PDGFD: variants seen among roughly 807,000 people sequenced by gnomAD.
The protein encoded by PDGFD is platelet-derived growth factor D.
PDGFD carries 30 observed loss-of-function variants against 44.7 expected under a neutral mutation model. The ratio of observed to expected loss-of-function variants is 0.67; its 90% CI spans 0.50 to 0.91. The LOEUF is 0.91. Ranked by LOEUF, PDGFD falls within the 40% of genes least tolerant of loss-of-function variation. The pLI, the probability that PDGFD is intolerant of heterozygous loss-of-function variation, is 0.00. For missense variants in PDGFD, 445 were observed against 457.8 expected (o/e 0.97, Z 0.25); for synonymous variants, 173 against 168.4 (o/e 1.03, Z -0.21).
chr11:103,917,977 C>T (rs994426648), intron 6 of PDGFD, among the ~76,000 whole-genome samples: 3 of 152,142 alleles, frequency 2.0e-5, no homozygotes, highest in East Asian at 1.9e-4. Flanking sequence ...GTTCCATAGA[C>T]GGTCCAGTGA....
At chr11:104,070,853 C>G (rs961453665) in intron 1 of PDGFD, among the ~76,000 whole-genome samples, 1 of 152,048 alleles carries the variant, frequency 6.6e-6, no homozygotes, top group Non-Finnish European at 1.5e-5. Context: ...GAAATGAATA[C>G]CTTATGCATA....
At chr11:103,990,755 T>C (rs750388619) in intron 3 of PDGFD, among the ~76,000 whole-genome samples, 2 of 152,128 alleles carry the variant, frequency 1.3e-5, no homozygotes, top group Non-Finnish European at 2.9e-5. Context: ...TATATATATA[T>C]AGTCCTGGCT....
At chr11:104,160,545 T>C (rs1862373928) in intron 1 of PDGFD, among the ~76,000 whole-genome samples, 1 of 152,206 alleles carries the variant, frequency 6.6e-6, no homozygotes, top group Non-Finnish European at 1.5e-5. Flanking sequence ...TACTGCTAAA[T>C]TAAGATTTTC....
chr11:104,001,851 T>C lies in PDGFD; in HGVS notation c.125-1596A>G, dbSNP rs148365302. Among the ~76,000 whole-genome samples the C allele has an allele frequency of 4.6e-3, 697 of 152,292 alleles. 10 individuals carry two copies. Among genetic ancestry groups the C allele is most frequent in the African/African-American group, 0.013 (559 of 41,564 alleles). ...GGTTTCTGAGGGTGGCTGTTAGAGC[T>C]TCCAAAAATAAGACAAAGAGGATAA... On this transcript the variant is annotated intron_variant, in intron 1 of 6. Coordinates refer to ENST00000393158, the MANE Select transcript of PDGFD (RefSeq NM_025208.5).
rs1287262724 is a variant in PDGFD at position 104,119,156 on chromosome 11, TG to T, written c.124+44647del. Among the ~76,000 whole-genome samples, 103 of 14,480 alleles carry T rather than the reference TG, an allele frequency of 7.1e-3. 23 individuals are homozygous for T. Among genetic ancestry groups the T allele is most frequent in the South Asian group, 0.022 (3 of 134 alleles). 9.5% of individuals were successfully genotyped at this position (14,480 alleles called of 152,430 possible). A position where few individuals can be genotyped will look rare whatever the true frequency, so the allele number is the denominator to read the frequency against. On this transcript the variant is annotated intron_variant, in intron 1 of 6. Coordinates refer to ENST00000393158, the MANE Select transcript of PDGFD (RefSeq NM_025208.5). ...TATATAATATATTAATATAATATAT[TG>T]ATATAACATATAATATATTAATATA...
intron 5 of PDGFD, 104 bp from the exon 6 acceptor site, chr11:103,927,230 T>C: frequency 9.9e-7 from 1 of 1,006,044 alleles, no homozygotes; most frequent in South Asian, 1.5e-5. Flanking sequence ...AGGACAACTT[T>C]AATCCTGGGA....
chr11:104,116,676 A>G (rs981093703), intron 1 of PDGFD, among the ~76,000 whole-genome samples: 4 of 152,026 alleles, frequency 2.6e-5, no homozygotes, highest in Non-Finnish European at 4.4e-5. Context: ...CATCAAAAAG[A>G]TCACTGATAT....
intron 1 of PDGFD, among the ~76,000 whole-genome samples, chr11:104,133,881 A>T (rs1861961415): frequency 6.6e-6 from 1 of 152,132 alleles, no homozygotes; most frequent in African/African-American, 2.4e-5. Context: ...GGGTTCATGC[A>T]TATCATTTAC....
At chr11:104,084,706 TTAA>T (rs1787026764) in intron 1 of PDGFD, among the ~76,000 whole-genome samples, 1 of 132,602 alleles carries the variant, frequency 7.5e-6, no homozygotes, top group African/African-American at 3.3e-5. Context: ...AATTTTATAA[TTAA>T]TAAAGTATAC....
chr11:104,105,370 C>T (rs1156268401), intron 1 of PDGFD, among the ~76,000 whole-genome samples: 3 of 151,930 alleles, frequency 2.0e-5, no homozygotes, highest in African/African-American at 4.8e-5. Context: ...CTAACCAAGT[C>T]GCAGGCACAA....
At chr11:104,087,005 T>C (rs989438259) in intron 1 of PDGFD, among the ~76,000 whole-genome samples, 1 of 143,580 alleles carries the variant, frequency 7.0e-6, no homozygotes, top group Non-Finnish European at 1.5e-5. Flanking sequence ...TTCCCTCTTG[T>C]ACCTAGGCTC....
chr11:103,921,681 A>G (rs1238270468), intron 6 of PDGFD, among the ~76,000 whole-genome samples: 1 of 151,788 alleles, frequency 6.6e-6, no homozygotes, highest in Admixed American at 6.6e-5. Flanking sequence ...CCTAACTCTT[A>G]AACTGTGATA....
chr11:104,051,094 T>C (rs890041801), intron 1 of PDGFD, among the ~76,000 whole-genome samples: 1 of 139,764 alleles, frequency 7.2e-6, no homozygotes, highest in Admixed American at 7.5e-5. Flanking sequence ...CACAAGGTGA[T>C]ACAGGAAAAA....
chr11:104,020,356 C>A (rs1309495562), intron 1 of PDGFD, among the ~76,000 whole-genome samples: 3 of 152,024 alleles, frequency 2.0e-5, no homozygotes, highest in Non-Finnish European at 4.4e-5. Context: ...TGACCTGATT[C>A]TATCCATTTA....
Position 104,101,804 on chromosome 11 carries a change from C to G in PDGFD, c.124+62000G>C, listed in dbSNP as rs573289364. On this transcript the variant is annotated intron_variant, in intron 1 of 6. Transcript: ENST00000393158. ...TACAACTATCTGATCTTTGACAAAC[C>G]TGACAAAAACAAGAAATGGGGAAAG... Among the ~76,000 whole-genome samples the G allele has an allele frequency of 1.4e-3, 214 of 151,992 alleles. 5 individuals are homozygous for G. The highest frequency in any genetic ancestry group is 5.0e-3 in the African/African-American group (206 of 41,314).
chr11:103,924,651 C>A (rs1858275586), intron 6 of PDGFD, among the ~76,000 whole-genome samples: 1 of 152,018 alleles, frequency 6.6e-6, no homozygotes, highest in African/African-American at 2.4e-5. Context: ...TTTGCTTAAT[C>A]CAGAAGTTAC....
intron 1 of PDGFD, among the ~76,000 whole-genome samples, chr11:104,030,875 C>A (rs1326816780): frequency 6.6e-6 from 1 of 152,220 alleles, no homozygotes; most frequent in Non-Finnish European, 1.5e-5. Flanking sequence ...ACTCCCTGCA[C>A]CCCACCTTAT....
At chr11:104,107,153 T>C (rs1347376366) in intron 1 of PDGFD, among the ~76,000 whole-genome samples, 1 of 152,174 alleles carries the variant, frequency 6.6e-6, no homozygotes, top group Admixed American at 6.5e-5. Flanking sequence ...TTAAAGTCCC[T>C]AATCAATTGA....
At chr11:104,041,534 A>G (rs1860352881) in intron 1 of PDGFD, among the ~76,000 whole-genome samples, 1 of 152,028 alleles carries the variant, frequency 6.6e-6, no homozygotes, top group South Asian at 2.1e-4. Context: ...TTTTCCTACT[A>G]AAAATGAGGA....
Sources: gnomAD v4.1 joint callset for allele counts (sites outside exome capture counted in the v4.1 genomes callset) on GRCh38, gnomAD v4.1.1 for gene constraint, MANE v1.5 for transcripts, NCBI Gene and HGNC (gene_info 2026-07-23, HGNC 2026-07-21) for gene names.